The following IL36B variants were observed in gnomAD, a reference collection of about 807,000 sequenced individuals.
The protein encoded by IL36B is interleukin 36 beta, also known as interleukin-36 beta.
IL36B carries 23 observed loss-of-function variants against 19.3 expected under a neutral mutation model. That is an observed-to-expected ratio of 1.19 (90% CI 0.86 to 1.69). The LOEUF (loss-of-function observed/expected upper bound fraction) is 1.69, where lower values mean the gene tolerates loss of function less well. IL36B is among the 40% of genes most tolerant of loss of function. The probability of loss-of-function intolerance (pLI) is 0.00; values close to 1 mark genes in which losing one functional copy is unlikely to be tolerated. For synonymous variants in IL36B, 59 were observed against 59.7 expected (o/e 0.99, Z 0.05); for missense variants, 217 against 200.5 (o/e 1.08, Z -0.50).
In IL36B at chr2:113,026,271, A is replaced by G. The variant is rs1446045959; in HGVS notation, c.262-39T>C. On this transcript the variant is annotated intron_variant, in intron 4 of 5. Transcript: ENST00000259213. ...ATGTTCAATGTTGCTGAGATAATAC[A>G]CTGCCAGGTTACACTGTCTCAAAGT... The G allele has an allele frequency of 1.9e-6, 3 of 1,611,496 alleles. No homozygotes were observed. The African/African-American group carries it at 4.0e-5, about 22-fold the overall frequency.
At chr2:113,034,324 G>T (rs117194963) in intron 1 of IL36B, among the ~76,000 whole-genome samples, 1 of 152,058 alleles carries the variant, frequency 6.6e-6, no homozygotes, top group African/African-American at 2.4e-5. Flanking sequence ...CCACTCCCTC[G>T]CTTCTTCCAT....
At chr2:113,049,278 G>GA (rs747131279) in intron 1 of IL36B, among the ~76,000 whole-genome samples, 4 of 151,980 alleles carry the variant, frequency 2.6e-5, no homozygotes, top group Non-Finnish European at 5.9e-5. Flanking sequence ...AGCAACAAAA[G>GA]AAAAAATGGA....
intron 1 of IL36B, among the ~76,000 whole-genome samples, chr2:113,040,517 C>T (rs796158594): frequency 2.6e-5 from 4 of 152,288 alleles, no homozygotes; most frequent in South Asian, 2.1e-4. Flanking sequence ...CACATAACAA[C>T]TACTAGAACT....
At chr2:113,033,255 C>T (rs990286618) in intron 1 of IL36B, among the ~76,000 whole-genome samples, 5 of 152,168 alleles carry the variant, frequency 3.3e-5, no homozygotes, top group African/African-American at 4.8e-5. Flanking sequence ...GAGATGGAGT[C>T]TCGCTCTCGC....
intron 1 of IL36B, among the ~76,000 whole-genome samples, chr2:113,041,616 T>G (rs996777490): frequency 2.6e-5 from 4 of 152,164 alleles, no homozygotes; most frequent in Non-Finnish European, 5.9e-5. Context: ...AAATAAAAAC[T>G]TACTTATTAG....
intron 1 of IL36B, among the ~76,000 whole-genome samples, chr2:113,037,321 T>A (rs1165148687): frequency 6.6e-6 from 1 of 152,230 alleles, no homozygotes; most frequent in African/African-American, 2.4e-5. Context: ...AGAGTACAAC[T>A]TTGTGGCTTT....
intron 5 of IL36B, chr2:113,022,834 CA>C: frequency 2.5e-6 from 3 of 1,204,658 alleles, no homozygotes; most frequent in Non-Finnish European, 3.7e-6. Context: ...TTTGCTAAAC[CA>C]CCAATTGAAT....
chr2:113,027,436 G>A, intron 4 of IL36B: 1 of 1,000,334 alleles, frequency 1.0e-6, no homozygotes, highest in Non-Finnish European at 1.2e-6. Flanking sequence ...GAATTCATTA[G>A]GATTAGAAAG....
chr2:113,022,873 G>T, intron 5 of IL36B: 1 of 734,354 alleles, frequency 1.4e-6, no homozygotes, highest in South Asian at 1.6e-5. Context: ...ATTCTACACG[G>T]AGGCTCCTGG....
chr2:113,030,975 T>A, intron 3 of IL36B, 73 bp downstream of exon 3: 1 of 1,127,724 alleles, frequency 8.9e-7, no homozygotes, highest in African/African-American at 1.5e-5. Flanking sequence ...GCCAGGCTTA[T>A]GCAAGCTCAG....
At chr2:113,032,019 A>G (rs578218405) in intron 1 of IL36B, among the ~76,000 whole-genome samples, 1 of 152,188 alleles carries the variant, frequency 6.6e-6, no homozygotes, top group East Asian at 1.9e-4. Context: ...TATGCTTTCC[A>G]TTAATCACAT....
chr2:113,030,586 G>A (rs1685052954), intron 3 of IL36B, among the ~76,000 whole-genome samples: 1 of 152,148 alleles, frequency 6.6e-6, no homozygotes, highest in African/African-American at 2.4e-5. Context: ...TTGAAGTTCT[G>A]GATACAGGGA....
At chr2:113,036,758 G>C (rs1333058753) in intron 1 of IL36B, among the ~76,000 whole-genome samples, 1 of 152,238 alleles carries the variant, frequency 6.6e-6, no homozygotes, top group Admixed American at 6.5e-5. Flanking sequence ...GATTCTTTAA[G>C]CTGAGAGCCC....
At chr2:113,029,185 T>C (rs1157083259) in intron 3 of IL36B, 107 bp from the exon 4 acceptor site, 1 of 1,151,952 alleles carries the variant, frequency 8.7e-7, no homozygotes, top group East Asian at 2.4e-5. Context: ...ATTAGCCATG[T>C]GGCAGAGACC....
chr2:113,049,504 A>T (rs1685405835), intron 1 of IL36B, among the ~76,000 whole-genome samples: 1 of 152,252 alleles, frequency 6.6e-6, no homozygotes, highest in Admixed American at 6.5e-5. Context: ...TCTCCAAATA[A>T]TATATACTAA....
intron 1 of IL36B, among the ~76,000 whole-genome samples, chr2:113,050,518 A>T (rs549386325): frequency 8.6e-4 from 131 of 152,262 alleles, no homozygotes; most frequent in African/African-American, 3.1e-3. Context: ...AGAGTTCTGG[A>T]GATGGATGGT....
intron 4 of IL36B, among the ~76,000 whole-genome samples, chr2:113,028,476 A>G (rs1685006602): frequency 6.6e-6 from 1 of 152,212 alleles, no homozygotes; most frequent in South Asian, 2.1e-4. Flanking sequence ...TATGCATTAC[A>G]ATTTCCAACA....
chr2:113,027,322 A>G, intron 4 of IL36B, 111 bp downstream of exon 5: 1 of 296,938 alleles, frequency 3.4e-6, no homozygotes. Context: ...TGTAACTTTT[A>G]TTGAAAAAAA....
chr2:113,037,402 A>G (rs1436392877), intron 1 of IL36B, among the ~76,000 whole-genome samples: 2 of 152,158 alleles, frequency 1.3e-5, no homozygotes, highest in Non-Finnish European at 2.9e-5. Flanking sequence ...GTAATCCCAG[A>G]ACTTTGGGAG....
Sources: allele counts gnomAD v4.1 joint callset (sites outside exome capture counted in the v4.1 genomes callset), GRCh38; gene constraint gnomAD v4.1.1; transcripts MANE v1.5; gene names NCBI Gene and HGNC (gene_info 2026-07-23, HGNC 2026-07-21).